PATJ: variants seen among roughly 807,000 people sequenced by gnomAD.
PATJ encodes inaD-like protein.
PATJ carries 190 observed loss-of-function variants against 224.9 expected under a neutral mutation model. That is an observed-to-expected ratio of 0.84 (90% CI 0.75 to 0.95). PATJ has a LOEUF of 0.95. Ranked by LOEUF, PATJ falls within the 40% of genes least tolerant of loss-of-function variation. PATJ has a pLI of 0.00. For synonymous variants in PATJ, 769 were observed against 820.3 expected (o/e 0.94, Z 1.07); for missense variants, 2,121 against 2,270.3 (o/e 0.93, Z 1.34).
intron 31 of PATJ, among the ~76,000 whole-genome samples, chr1:62,068,995 A>T (rs776457588): frequency 7.2e-5 from 11 of 152,334 alleles, no homozygotes; most frequent in Admixed American, 1.3e-4. Context: ...ATAATTGGGC[A>T]ATTAGCAAAT....
intron 31 of PATJ, among the ~76,000 whole-genome samples, chr1:62,074,212 T>TG (rs1403686841): frequency 2.1e-5 from 1 of 47,140 alleles, no homozygotes; most frequent in Non-Finnish European, 4.0e-5. Flanking sequence ...AAAAAAATAG[T>TG]GGGGGGAGGG....
chr1:61,952,937 G>C (rs1299231729), intron 27 of PATJ, among the ~76,000 whole-genome samples: 2 of 151,476 alleles, frequency 1.3e-5, no homozygotes, highest in South Asian at 2.1e-4. Flanking sequence ...TAAACAAAAG[G>C]CTGCTTTTTC....
At chr1:61,760,722 T>C (rs1329768949) in intron 1 of PATJ, among the ~76,000 whole-genome samples, 5 of 149,266 alleles carry the variant, frequency 3.3e-5, no homozygotes, top group Non-Finnish European at 7.4e-5. Flanking sequence ...GTTCAAGCAA[T>C]TCTCCTGCCT....
intron 39 of PATJ, among the ~76,000 whole-genome samples, chr1:62,127,270 A>C (rs1286144401): frequency 5.9e-5 from 9 of 152,234 alleles, no homozygotes; most frequent in Non-Finnish European, 1.0e-4. Flanking sequence ...GGACAGATGC[A>C]CTTGTAGAAG....
At chr1:61,852,954 G>A (rs991755452) in intron 17 of PATJ, among the ~76,000 whole-genome samples, 2 of 152,172 alleles carry the variant, frequency 1.3e-5, no homozygotes, top group Non-Finnish European at 2.9e-5. Flanking sequence ...AAATGAAGCA[G>A]TGATTATACA....
intron 24 of PATJ, among the ~76,000 whole-genome samples, chr1:61,904,020 C>T (rs1671551236): frequency 1.3e-5 from 2 of 152,048 alleles, no homozygotes; most frequent in Non-Finnish European, 2.9e-5. Context: ...GTGATCCGCC[C>T]ACCTCAGCCT....
rs1400586616 is a variant in PATJ, at chr1:61,777,699, CTTTCTTTTTTTTTT to C, written c.849+2369_849+2382del. 7.5e-5 allele frequency among the ~76,000 whole-genome samples: 6 copies of C among 80,082 alleles called. No individual in the cohort carries two copies. The East Asian group carries it at 1.4e-3, about 19-fold the overall frequency. The allele number at this position is 80,082 out of a possible 152,430, so 52.5% of individuals were successfully genotyped here. On this transcript the variant is annotated intron_variant, in intron 7 of 43. Coordinates refer to ENST00000642238, the MANE Select transcript of PATJ (RefSeq NM_001350145.3). ...TATTTTCTTCCTTTTTTCTTTCTTT[CTTTCTTTTTTTTTT>C]TTTTTTTTTTTTTTAGCATAGTCTT...
In PATJ at chr1:62,163,561, A is replaced by ATAT. The variant is rs1334486980; in HGVS notation, c.*2509_*2511dup. On this transcript the variant is annotated 3_prime_UTR_variant, in exon 44 of 44. Coordinates refer to ENST00000642238, the MANE Select transcript of PATJ (RefSeq NM_001350145.3). The stretch of plus-strand genomic sequence containing the variant: ...CCTTTTAGGTCGTGCTAGTAAAAGT[A>ATAT]TATTGATGAAGGAATTATGATGCTT... The ATAT allele has an allele frequency of 3.3e-5, 5 of 152,600 alleles. No homozygotes were observed. The highest frequency in any genetic ancestry group is 1.2e-4 in the African/African-American group (5 of 41,404). 9.5% of individuals were successfully genotyped at this position (152,600 alleles called of 1,614,324 possible).
chr1:61,871,444 C>CACGCATATATGCGTATATATATGTATAT (rs1666461900), intron 20 of PATJ, among the ~76,000 whole-genome samples: 1 of 11,192 alleles, frequency 8.9e-5, no homozygotes, highest in Non-Finnish European at 1.9e-4. Flanking sequence ...TGTGTATATA[C>CACGCATATATGCGTATATATATGTATAT]ACATATATAT....
intron 28 of PATJ, among the ~76,000 whole-genome samples, chr1:62,003,722 T>C (rs917035053): frequency 6.6e-6 from 1 of 152,184 alleles, no homozygotes; most frequent in African/African-American, 2.4e-5. Context: ...TCACCTGAGT[T>C]TCAGGCATCT....
chr1:62,085,720 G>A (rs1659879012), intron 33 of PATJ, among the ~76,000 whole-genome samples: 2 of 151,464 alleles, frequency 1.3e-5, no homozygotes, highest in Non-Finnish European at 2.9e-5. Flanking sequence ...TCAAGAGGCT[G>A]AGGAAGGAGG....
chr1:61,879,238 A>ATAGG (rs1253250468), intron 21 of PATJ, among the ~76,000 whole-genome samples: 1 of 152,228 alleles, frequency 6.6e-6, no homozygotes, highest in African/African-American at 2.4e-5. Context: ...GGTCTCTAAC[A>ATAGG]TAGGCCATAG....
At chr1:62,106,110 AC>A in intron 33 of PATJ, among the ~76,000 whole-genome samples, 1 of 88,452 alleles carries the variant, frequency 1.1e-5, no homozygotes, top group African/African-American at 3.8e-5. Context: ...ACACACACAC[AC>A]ACACACACAA....
At position 61,766,272 on chromosome 1, in the gene PATJ, C is replaced by G; in HGVS notation, c.190-7C>G. On this transcript the variant is annotated splice_polypyrimidine_tract_variant and splice_region_variant and intron_variant, in intron 3 of 43. Coordinates refer to ENST00000642238, the MANE Select transcript of PATJ (RefSeq NM_001350145.3). ...TTCTGTTGATTCTTTTTTTTTCTCTCCAACAGCTCAACCATATACCCTCAG... is the reference window on the plus strand; with the variant it reads ...TTCTGTTGATTCTTTTTTTTTCTCTGCAACAGCTCAACCATATACCCTCAG... 7 of 1,553,340 alleles carry G rather than the reference C, an allele frequency of 4.5e-6. No homozygotes were observed. The highest frequency in any genetic ancestry group is 5.2e-6 in the Non-Finnish European group (6 of 1,155,364).
chr1:62,148,478 G>GAAGTGGCCA, intron 42 of PATJ, 88 bp downstream of exon 42: 1 of 914,922 alleles, frequency 1.1e-6, no homozygotes, highest in Non-Finnish European at 1.8e-6. Flanking sequence ...CTCTAAAGGA[G>GAAGTGGCCA]AAGTGGCCAA....
intron 41 of PATJ, among the ~76,000 whole-genome samples, chr1:62,139,130 G>C (rs554745019): frequency 6.6e-6 from 1 of 152,040 alleles, no homozygotes; most frequent in Middle Eastern, 3.2e-3. Context: ...GCCGGGCACG[G>C]TGGCTCACAC....
At chr1:62,022,975 G>A (rs1169786109) in intron 29 of PATJ, among the ~76,000 whole-genome samples, 1 of 152,156 alleles carries the variant, frequency 6.6e-6, no homozygotes, top group Non-Finnish European at 1.5e-5. Context: ...ATCTGAAGAA[G>A]CAACTCGGAT....
Position 61,787,906 on chromosome 1 carries a change from C to T in PATJ, c.1002C>T (p.Val334=), listed in dbSNP as rs1467632691. 1 of 1,614,054 alleles carries T rather than the reference C, an allele frequency of 6.2e-7. No homozygotes were observed. Among genetic ancestry groups the T allele is most frequent in the African/African-American group, 1.3e-5 (1 of 75,016 alleles). The change falls in exon 8 of 44, where the codon GTC becomes GTT. Residue 334 remains valine (V), a synonymous_variant. Transcript: ENST00000642238. ...VARDPAGDIS[V]TPPAPAALPV... is the part of the protein sequence containing the mutation. ...GAGATCCAGCTGGTGACATTTCAGT[C>T]ACCCCCCCTGCCCCTGCAGCCTTAC...
chr1:62,028,456 T>C (rs1326814141), intron 29 of PATJ, among the ~76,000 whole-genome samples: 2 of 152,220 alleles, frequency 1.3e-5, no homozygotes, highest in African/African-American at 4.8e-5. Context: ...CCCCATTGAA[T>C]GGTCTTGGTG....
Sources: allele counts gnomAD v4.1 joint callset (sites outside exome capture counted in the v4.1 genomes callset), GRCh38; gene constraint gnomAD v4.1.1; transcripts MANE v1.5; gene names NCBI Gene and HGNC (gene_info 2026-07-23, HGNC 2026-07-21).